PCDHA2: variants seen among roughly 807,000 people sequenced by gnomAD.
The protein encoded by PCDHA2 is protocadherin alpha-2.
In PCDHA2, 58 loss-of-function variants were observed where a neutral mutation model predicts 66.0. That is an observed-to-expected ratio of 0.88 (90% CI 0.71 to 1.09). PCDHA2 has a LOEUF of 1.09. PCDHA2 is among the 50% of genes least tolerant of loss of function. The pLI is 0.00. For synonymous variants in PCDHA2, 634 were observed against 554.0 expected (o/e 1.14, Z -2.03); for missense variants, 1,267 against 1,242.3 (o/e 1.02, Z -0.30).
chr5:140,939,993 G>A (rs889924458), intron 1 of PCDHA2, among the ~76,000 whole-genome samples: 3 of 151,902 alleles, frequency 2.0e-5, no homozygotes, highest in African/African-American at 7.3e-5. Context: ...GTTTCTCCTT[G>A]GATTTTGTCA....
chr5:140,828,244 C>T (rs1769643037), intron 1 of PCDHA2: 3 of 1,613,960 alleles, frequency 1.9e-6, no homozygotes, highest in East Asian at 2.2e-5. Context: ...TCGCGCAGGA[C>T]CTGGGGCTGG....
intron 1 of PCDHA2, among the ~76,000 whole-genome samples, chr5:140,898,622 A>G (rs1286354840): frequency 7.9e-5 from 12 of 152,290 alleles, no homozygotes; most frequent in African/African-American, 2.6e-4. Context: ...GTCAGGTAGC[A>G]TAATGCCTCC....
At chr5:140,944,219 A>G (rs191111426) in intron 1 of PCDHA2, among the ~76,000 whole-genome samples, 202 of 152,176 alleles carry the variant, frequency 1.3e-3, no homozygotes, top group Non-Finnish European at 2.3e-3. Context: ...AGAGGGTTTT[A>G]CTCTGTCGCT....
chr5:140,823,337 C>G, intron 1 of PCDHA2: 1 of 1,612,260 alleles, frequency 6.2e-7, no homozygotes, highest in Admixed American at 1.7e-5. Flanking sequence ...GCGCTGCAGC[C>G]GCTGGACCAC....
intron 1 of PCDHA2, among the ~76,000 whole-genome samples, chr5:140,943,373 A>G (rs1554215633): frequency 6.6e-6 from 1 of 152,128 alleles, no homozygotes; most frequent in East Asian, 1.9e-4. Flanking sequence ...TCATTAAAAT[A>G]TACAGGTAAG....
chr5:140,927,897 T>A, intron 1 of PCDHA2: 1 of 1,614,204 alleles, frequency 6.2e-7, no homozygotes, highest in African/African-American at 1.3e-5. Flanking sequence ...ACGTGAACGA[T>A]CATGCCCCCG....
chr5:140,828,540 CTG>C (rs1769811066), intron 1 of PCDHA2: 1 of 1,614,252 alleles, frequency 6.2e-7, no homozygotes, highest in East Asian at 2.2e-5. Context: ...CTGCCAGATT[CTG>C]TGTTTCCACT....
chr5:140,837,476 A>G (rs1775072155), intron 1 of PCDHA2, among the ~76,000 whole-genome samples: 1 of 151,156 alleles, frequency 6.6e-6, no homozygotes, highest in African/African-American at 2.4e-5. Flanking sequence ...TCAAACCCCA[A>G]ACCATTTACT....
At chr5:140,808,639 G>T (rs782266582) in intron 1 of PCDHA2, 1 of 1,613,450 alleles carries the variant, frequency 6.2e-7, no homozygotes, top group Non-Finnish European at 8.5e-7. Context: ...ACGCGGACGC[G>T]CAGGAGAACG....
intron 1 of PCDHA2, chr5:140,927,270 C>A (rs541200655): frequency 1.2e-6 from 2 of 1,614,034 alleles, no homozygotes; most frequent in Non-Finnish European, 1.7e-6. Context: ...TCTTTCCTGC[C>A]GGCGACGTGC....
chr5:140,814,170 GT>G (rs2126652408), intron 1 of PCDHA2: 1,547 of 151,808 alleles, frequency 0.01, 13 homozygotes, highest in Admixed American at 0.013. Context: ...TATTTTACAA[GT>G]TTTTTTGACT....
intron 3 of PCDHA2, among the ~76,000 whole-genome samples, chr5:140,986,365 C>T (rs530102099): frequency 2.0e-5 from 3 of 152,194 alleles, no homozygotes; most frequent in Non-Finnish European, 2.9e-5. Flanking sequence ...TGGAGGAATG[C>T]GTTTTGGGGG....
In PCDHA2 at chr5:140,795,541, T is replaced by C. The variant is rs1554119485; in HGVS notation, c.577T>C (p.Ser193Pro). Reference protein sequence around the residue: ...QANDELSESLSLVLGKSLDRE... With the variant: ...QANDELSESLPLVLGKSLDRE... ...AAATGATGAACTAAGCGAATCTTTG[T>C]CTCTCGTGCTGGGGAAATCGCTGGA... The change falls in exon 1 of 4, where the codon TCT becomes CCT. Residue 193 changes from serine (S) to proline (P), a missense_variant. Transcript: ENST00000526136. 1 of 1,614,136 alleles carries C rather than the reference T, an allele frequency of 6.2e-7. No individual in the cohort carries two copies.
chr5:140,903,275 T>A (rs1313552617), intron 1 of PCDHA2, among the ~76,000 whole-genome samples: 1 of 152,210 alleles, frequency 6.6e-6, no homozygotes, highest in East Asian at 1.9e-4. Flanking sequence ...TGAGGTAGTG[T>A]CTCATTGTGC....
chr5:141,004,708 A>G (rs955852492), intron 3 of PCDHA2, among the ~76,000 whole-genome samples: 2 of 152,340 alleles, frequency 1.3e-5, no homozygotes, highest in South Asian at 4.1e-4. Flanking sequence ...TAGGTGCCGA[A>G]TCAGAGGTTT....
At chr5:140,829,585 G>C in intron 1 of PCDHA2, 2 of 1,612,244 alleles carry the variant, frequency 1.2e-6, no homozygotes, top group Non-Finnish European at 8.5e-7. Flanking sequence ...TGGAGCGGCG[G>C]GTGGGCGAGC....
At position 140,980,991 on chromosome 5, in the gene PCDHA2, C is replaced by G. The variant is rs888673669; in HGVS notation, c.2448-1484C>G. Among the ~76,000 whole-genome samples the G allele has an allele frequency of 1.2e-4, 18 of 151,972 alleles. 1 individual carries two copies. Among genetic ancestry groups the G allele is most frequent in the Non-Finnish European group, 8.8e-5 (6 of 68,014 alleles). ...AATCTGACTGAGCCCACACAATTTG[C>G]TAGTAGGATCCAGGAACACTTGAAG... On this transcript the variant is annotated intron_variant, in intron 2 of 3. Transcript: ENST00000526136.
chr5:140,808,714 G>C (rs782290145), intron 1 of PCDHA2: 13 of 1,611,982 alleles, frequency 8.1e-6, no homozygotes, highest in Admixed American at 5.0e-5. Flanking sequence ...GCTACGTTTC[G>C]GTGCATGCGG....
chr5:140,808,219 C>A (rs782019485), intron 1 of PCDHA2: 2 of 1,614,076 alleles, frequency 1.2e-6, no homozygotes, highest in South Asian at 1.1e-5. Context: ...AAGACAACAA[C>A]GATAATGTCC....
Sources: allele counts gnomAD v4.1 joint callset (sites outside exome capture counted in the v4.1 genomes callset), GRCh38; gene constraint gnomAD v4.1.1; transcripts MANE v1.5; gene names NCBI Gene and HGNC (gene_info 2026-07-23, HGNC 2026-07-21).